The following MIA2 variants were observed in gnomAD, a reference collection of about 807,000 sequenced individuals.
MIA2 encodes the protein melanoma inhibitory activity protein 2.
A neutral mutation model predicts 167.8 loss-of-function variants in MIA2; 127 were observed. The observed-to-expected ratio is 0.76, with a 90% CI of 0.66 to 0.88. The LOEUF is 0.88. Ranked by LOEUF, MIA2 falls within the 40% of genes least tolerant of loss-of-function variation. The probability of loss-of-function intolerance (pLI) is 0.00; values close to 1 mark genes in which losing one functional copy is unlikely to be tolerated. For missense variants in MIA2, 1,690 were observed against 1,624.7 expected, an observed-to-expected ratio of 1.04 and a Z score of -0.69; for synonymous variants, 552 against 541.9, an observed-to-expected ratio of 1.02 and a Z score of -0.26.
At chr14:39,292,884 A>C (rs956887468) in intron 10 of MIA2, among the ~76,000 whole-genome samples, 14 of 151,778 alleles carry the variant, frequency 9.2e-5, no homozygotes, top group African/African-American at 3.1e-4. Context: ...AATTGGCTTT[A>C]TTTCTCATTT....
At chr14:39,285,086 C>G (rs7140591) in intron 9 of MIA2, among the ~76,000 whole-genome samples, 4,780 of 152,292 alleles carry the variant, frequency 0.031, 263 homozygotes, top group African/African-American at 0.11. Context: ...CATAGATCAA[C>G]AGCATCCCAA....
At position 39,386,886 on chromosome 14, in the gene MIA2, C is replaced by A. The variant is rs781759198; in HGVS notation, c.2250C>A (p.Ser750Arg). 6.1e-6 allele frequency: 5 copies of A among 814,522 alleles called. No individual in the cohort carries two copies. The African/African-American group carries it at 8.5e-5, about 14-fold the overall frequency. 50.5% of individuals were successfully genotyped at this position (814,522 alleles called of 1,614,324 possible). Residue 750 changes from serine to arginine, a missense_variant and splice_region_variant, in exon 24 of 24, where the codon AGC (serine) becomes AGA (arginine). By Grantham distance (110) the Ser-to-Arg change is moderately radical. Transcript: ENST00000341502. ...GAGGCGGTCGTTCTCTCTCACCAGG[C>A]GCACGCTCTCCGCCCGGGGCAGGAG...
intron 23 of MIA2, among the ~76,000 whole-genome samples, chr14:39,372,745 A>C (rs1223138893): frequency 2.0e-5 from 3 of 152,184 alleles, no homozygotes; most frequent in Non-Finnish European, 4.4e-5. Context: ...TTAATGTATA[A>C]ATGGATATAG....
chr14:39,347,908 G>A (rs2073733871), intron 27 of MIA2, 137 bp downstream of exon 27: 1 of 759,636 alleles, frequency 1.3e-6, no homozygotes, highest in Non-Finnish European at 2.0e-6. Flanking sequence ...TGCAACCTGG[G>A]TTCAAGCAAT....
At chr14:39,282,301 A>C (rs1594985313) in intron 9 of MIA2, among the ~76,000 whole-genome samples, 1 of 152,240 alleles carries the variant, frequency 6.6e-6, no homozygotes, top group East Asian at 1.9e-4. Flanking sequence ...TTTAAGGTAT[A>C]GAAATTTCAG....
At chr14:39,264,843 T>C (rs1240574596) in intron 6 of MIA2, among the ~76,000 whole-genome samples, 5 of 152,214 alleles carry the variant, frequency 3.3e-5, no homozygotes, top group African/African-American at 4.8e-5. Flanking sequence ...CAAAGTTTAC[T>C]GGTTAGCATG....
chr14:39,249,014 C>T (rs2054438262), intron 4 of MIA2, among the ~76,000 whole-genome samples: 1 of 152,188 alleles, frequency 6.6e-6, no homozygotes, highest in African/African-American at 2.4e-5. Context: ...GCTAGGATTA[C>T]AGGTGTGAGC....
At position 39,251,498 on chromosome 14, in the gene MIA2, A is replaced by G. The variant is rs533870531; in HGVS notation, c.1568-1250A>G. Among the ~76,000 whole-genome samples the G allele has an allele frequency of 4.6e-5, 7 of 152,154 alleles. No individual in the cohort carries two copies. In the South Asian group the frequency reaches 8.3e-4, roughly 18 times the overall value. ...TATAGGGAATATTCATTTTTCTTATATATTTATTTCAAATGCAGTTTAAAA... is the reference window on the plus strand; with the variant it reads ...TATAGGGAATATTCATTTTTCTTATGTATTTATTTCAAATGCAGTTTAAAA... On this transcript the variant is annotated intron_variant, in intron 4 of 28. Coordinates refer to ENST00000640607, the MANE Select transcript of MIA2 (RefSeq NM_001329214.4).
chr14:39,288,430 TAC>T (rs1214081363), intron 9 of MIA2, among the ~76,000 whole-genome samples: 6 of 82,772 alleles, frequency 7.2e-5, no homozygotes, highest in African/African-American at 1.9e-4. Context: ...GTATATATTA[TAC>T]ATATATATAT....
At chr14:39,318,945 C>T (rs1187629804) in intron 22 of MIA2, among the ~76,000 whole-genome samples, 3 of 152,120 alleles carry the variant, frequency 2.0e-5, no homozygotes, top group African/African-American at 7.2e-5. Context: ...ATATAGTACT[C>T]ATGGTAGTCT....
chr14:39,290,984 G>A lies in MIA2; in HGVS notation c.2131-35G>A, dbSNP rs1037410814. 7 of 1,550,946 alleles carry A rather than the reference G, an allele frequency of 4.5e-6. No individual in the cohort carries two copies. The East Asian group carries it at 6.9e-5, about 15-fold the overall frequency. On this transcript the variant is annotated intron_variant, in intron 9 of 28. Transcript: ENST00000640607. ...CCAGATAAGATTTAGAATACAATTGGTAGAGTTTTTACTTGTGATGTTGCT... is the reference window on the plus strand; with the variant it reads ...CCAGATAAGATTTAGAATACAATTGATAGAGTTTTTACTTGTGATGTTGCT...
At chr14:39,288,452 TATATATATATATATA>T (rs1356122344) in intron 9 of MIA2, among the ~76,000 whole-genome samples, 734 of 15,102 alleles carry the variant, frequency 0.049, 134 homozygotes, top group Non-Finnish European at 0.091. Flanking sequence ...TATATATATA[TATATATATATATATA>T]TATATATATT....
At position 39,319,232 on chromosome 14, in the gene MIA2, T is replaced by G. The variant is rs746193258; in HGVS notation, c.3308T>G (p.Phe1103Cys). ...AGATTAACTGAAACAGAGCTTAAAT[T>G]TGAACTTTTAGAAAAAGATCCTTAT... ...RQKLTETELK[F>C]ELLEKDPYAL... is the part of the protein sequence containing the mutation. The change falls in exon 23 of 29, where the codon TTT becomes TGT. Residue 1103 changes from phenylalanine (F) to cysteine (C), a missense_variant. Physicochemically the swap from Phe to Cys is radical, Grantham distance 205 (BLOSUM62 -2). Transcript: ENST00000640607. The G allele has an allele frequency of 2.5e-6, 4 of 1,576,070 alleles. No homozygotes were observed. In the Admixed American group the frequency reaches 5.2e-5, roughly 20 times the overall value.
rs1165633801 is a variant in MIA2 at position 39,248,003 on chromosome 14, A to G, written c.1429A>G (p.Thr477Ala). The change falls in exon 4 of 29, where the codon ACA becomes GCA. Residue 477 changes from threonine (T) to alanine (A), a missense_variant. Transcript: ENST00000640607. ...PWNFQNIPKETELPFPKQILD... is the reference protein window; with the variant it reads ...PWNFQNIPKEAELPFPKQILD... The stretch of plus-strand genomic sequence containing the variant: ...GAACTTCCAGAACATTCCAAAGGAA[A>G]CAGAATTGCCATTTCCCAAACAGAT... The G allele has an allele frequency of 6.3e-7, 1 of 1,578,364 alleles. No individual in the cohort carries two copies. The highest frequency in any genetic ancestry group is 8.5e-7 in the Non-Finnish European group (1 of 1,170,922).
downstream of MIA2, among the ~76,000 whole-genome samples, chr14:39,355,036 C>T (rs1466671921): frequency 6.6e-6 from 1 of 150,924 alleles, no homozygotes; most frequent in East Asian, 2.0e-4. Flanking sequence ...ATTGACTTGG[C>T]AATGTGGGTT....
downstream of MIA2, among the ~76,000 whole-genome samples, chr14:39,353,232 T>C (rs2074437359): frequency 1.3e-5 from 2 of 152,214 alleles, no homozygotes; most frequent in South Asian, 4.1e-4. Context: ...CTTTGAAATA[T>C]ATAAAATATT....
chr14:39,246,889 T>C (rs1277300419), intron 3 of MIA2, 22 bp from the exon 4 acceptor site: 2 of 1,304,722 alleles, frequency 1.5e-6, no homozygotes, highest in East Asian at 4.7e-5. Flanking sequence ...ATGTTAATCA[T>C]ATATATATTT....
At chr14:39,264,203 G>A (rs2055303972) in intron 6 of MIA2, among the ~76,000 whole-genome samples, 1 of 152,084 alleles carries the variant, frequency 6.6e-6, no homozygotes. Context: ...TGTGATATTT[G>A]GTTTTCAGTT....
chr14:39,300,202 T>C (rs1250310405), intron 14 of MIA2, among the ~76,000 whole-genome samples: 1 of 152,198 alleles, frequency 6.6e-6, no homozygotes, highest in African/African-American at 2.4e-5. Context: ...TGTGTCCTTT[T>C]TTCTTCTCTG....
Sources: allele counts gnomAD v4.1 joint callset (sites outside exome capture counted in the v4.1 genomes callset), GRCh38; gene constraint gnomAD v4.1.1; transcripts MANE v1.5; gene names NCBI Gene and HGNC (gene_info 2026-07-23, HGNC 2026-07-21).